Variants in SMYD3 observed in about 807,000 individuals in gnomAD.
SMYD3 encodes SET and MYND domain containing 3.
A neutral mutation model predicts 57.7 loss-of-function variants in SMYD3; 36 were observed. The observed-to-expected ratio is 0.62, with a 90% CI of 0.48 to 0.82. The LOEUF is 0.82. Ranked by LOEUF, SMYD3 falls within the 40% of genes least tolerant of loss-of-function variation. The pLI, the probability that SMYD3 is intolerant of heterozygous loss-of-function variation, is 0.00. For synonymous variants in SMYD3, 211 were observed against 195.0 expected (o/e 1.08, Z -0.68); for missense variants, 515 against 538.8 (o/e 0.96, Z 0.44).
intron 2 of SMYD3, among the ~76,000 whole-genome samples, chr1:246,343,228 C>T (rs925056275): frequency 6.6e-5 from 10 of 152,224 alleles, no homozygotes; most frequent in African/African-American, 2.2e-4. Flanking sequence ...ATAAATCATG[C>T]ACTTCCACAG....
chr1:245,850,942 G>A (rs10924360), intron 10 of SMYD3, among the ~76,000 whole-genome samples: 2 of 152,056 alleles, frequency 1.3e-5, no homozygotes, highest in African/African-American at 4.8e-5. Flanking sequence ...CCAGCTCAGA[G>A]GATGACAGTG....
At chr1:246,154,149 C>T (rs1471279808) in intron 5 of SMYD3, among the ~76,000 whole-genome samples, 1 of 152,156 alleles carries the variant, frequency 6.6e-6, no homozygotes, top group African/African-American at 2.4e-5. Context: ...TGGTATTGCA[C>T]GCAGCCTACA....
At chr1:246,302,013 A>G (rs1423673110) in intron 5 of SMYD3, among the ~76,000 whole-genome samples, 1 of 152,166 alleles carries the variant, frequency 6.6e-6, no homozygotes, top group Non-Finnish European at 1.5e-5. Flanking sequence ...CAGGGAGGAC[A>G]TGCGAGCTAA....
chr1:246,021,635 T>G lies in SMYD3; in HGVS notation c.532-91698A>C, dbSNP rs189428665. Among the ~76,000 whole-genome samples, 142 of 152,206 alleles carry G rather than the reference T, an allele frequency of 9.3e-4. 3 individuals are homozygous for G. The highest frequency in any genetic ancestry group is 9.0e-3 in the Admixed American group (138 of 15,284). ...GGCAGAACATTTACTTATTCATCAT[T>G]ATATTATTGATCAGCCTCCCTACAC... On this transcript the variant is annotated intron_variant, in intron 5 of 11. Coordinates refer to ENST00000490107, the MANE Select transcript of SMYD3 (RefSeq NM_001167740.2).
At chr1:246,369,128 G>A (rs1007967823) in intron 1 of SMYD3, among the ~76,000 whole-genome samples, 2 of 152,062 alleles carry the variant, frequency 1.3e-5, no homozygotes, top group African/African-American at 4.8e-5. Flanking sequence ...AGATTTAAAT[G>A]AAACTTAAAA....
At chr1:245,830,257 T>C (rs1572459862) in intron 10 of SMYD3, among the ~76,000 whole-genome samples, 1 of 152,314 alleles carries the variant, frequency 6.6e-6, no homozygotes, top group East Asian at 1.9e-4. Context: ...AGAAGTTTAA[T>C]GGACTCAGTT....
At chr1:245,905,653 G>A (rs1452297816) in intron 8 of SMYD3, among the ~76,000 whole-genome samples, 9 of 152,202 alleles carry the variant, frequency 5.9e-5, no homozygotes, top group Admixed American at 5.2e-4. Flanking sequence ...GGCCCTGAAG[G>A]GAAGGGCATA....
At chr1:245,941,407 C>T (rs201518663) in intron 5 of SMYD3, among the ~76,000 whole-genome samples, 7 of 152,072 alleles carry the variant, frequency 4.6e-5, no homozygotes, top group African/African-American at 1.7e-4. Context: ...ATGTTAAGGG[C>T]GGCCAGAGAG....
Position 245,982,553 on chromosome 1 carries a change from T to G in SMYD3, c.532-52616A>C, listed in dbSNP as rs547117862. Among the ~76,000 whole-genome samples the G allele has an allele frequency of 7.2e-5, 11 of 152,354 alleles. No individual in the cohort carries two copies. The South Asian group carries it at 2.3e-3, about 32-fold the overall frequency. On this transcript the variant is annotated intron_variant, in intron 5 of 11. Coordinates refer to ENST00000490107, the MANE Select transcript of SMYD3 (RefSeq NM_001167740.2). ...AAAGGCTCACTTATAGGCTAAATACTTCCATCAAATAAATCTTAAAGTAAC... is the reference window on the plus strand; with the variant it reads ...AAAGGCTCACTTATAGGCTAAATACGTCCATCAAATAAATCTTAAAGTAAC...
chr1:246,366,825 G>T (rs537109829), intron 1 of SMYD3, among the ~76,000 whole-genome samples: 1 of 151,588 alleles, frequency 6.6e-6, no homozygotes, highest in East Asian at 2.0e-4. Context: ...CAGCTACTCA[G>T]GAGGCTGGGG....
intron 8 of SMYD3, among the ~76,000 whole-genome samples, chr1:245,913,355 C>T (rs1312966620): frequency 7.4e-6 from 1 of 135,036 alleles, no homozygotes; most frequent in Non-Finnish European, 1.6e-5. Context: ...CACACCGGGG[C>T]CTGTTGTGGT....
intron 1 of SMYD3, among the ~76,000 whole-genome samples, chr1:246,471,009 G>A (rs867572797): frequency 6.6e-6 from 1 of 152,064 alleles, no homozygotes; most frequent in Non-Finnish European, 1.5e-5. Context: ...GGGGGGTGGT[G>A]TGTATAGAGA....
intron 2 of SMYD3, among the ~76,000 whole-genome samples, chr1:246,345,219 T>C (rs868067517): frequency 3.4e-4 from 52 of 152,354 alleles, no homozygotes; most frequent in South Asian, 2.9e-3. Context: ...TTAAGCTTAT[T>C]GAACCTAAAT....
intron 5 of SMYD3, among the ~76,000 whole-genome samples, chr1:246,009,601 G>A (rs34506510): frequency 1.0e-3 from 1 of 976 alleles, no homozygotes; most frequent in East Asian, 0.17. Context: ...AAGAATATTA[G>A]ATTCAAGTTA....
intron 1 of SMYD3, among the ~76,000 whole-genome samples, chr1:246,385,519 T>C (rs2066461789): frequency 6.6e-6 from 1 of 152,158 alleles, no homozygotes; most frequent in Non-Finnish European, 1.5e-5. Flanking sequence ...TTAAGTCATA[T>C]TCCTAGGAGA....
chr1:246,413,708 T>C (rs953996802), intron 1 of SMYD3, among the ~76,000 whole-genome samples: 3 of 152,118 alleles, frequency 2.0e-5, no homozygotes, highest in African/African-American at 7.2e-5. Flanking sequence ...CTTTGCCTTC[T>C]ACCATGATTG....
intron 5 of SMYD3, among the ~76,000 whole-genome samples, chr1:246,017,346 T>C (rs2059395135): frequency 6.6e-6 from 1 of 152,200 alleles, no homozygotes; most frequent in Non-Finnish European, 1.5e-5. Flanking sequence ...GAAGTTAACA[T>C]TGATACATTA....
chr1:246,372,765 C>A (rs1002638489), intron 1 of SMYD3, among the ~76,000 whole-genome samples: 1 of 152,074 alleles, frequency 6.6e-6, no homozygotes, highest in East Asian at 1.9e-4. Context: ...CCGAGGCAGG[C>A]GGGTCACCTG....
chr1:245,881,265 C>G (rs1158633205), intron 8 of SMYD3, among the ~76,000 whole-genome samples: 1 of 152,050 alleles, frequency 6.6e-6, no homozygotes, highest in African/African-American at 2.4e-5. Context: ...GAACTGCAAG[C>G]AGAAAGGAAT....
Sources: gnomAD v4.1 joint callset for allele counts (sites outside exome capture counted in the v4.1 genomes callset) on GRCh38, gnomAD v4.1.1 for gene constraint, MANE v1.5 for transcripts, NCBI Gene and HGNC (gene_info 2026-07-23, HGNC 2026-07-21) for gene names.